Variants in FRMD3 observed in about 807,000 individuals in gnomAD.
FRMD3 encodes the protein FERM domain containing 3.
A neutral mutation model predicts 70.2 loss-of-function variants in FRMD3; 33 were observed. The ratio of observed to expected loss-of-function variants is 0.47; its 90% CI spans 0.36 to 0.63. FRMD3 has a LOEUF of 0.63. Among genes scored for constraint, FRMD3 ranks in the 20% least tolerant of loss-of-function variants. The pLI is 0.00. For missense variants in FRMD3, 632 were observed against 711.4 expected, an observed-to-expected ratio of 0.89 and a Z score of 1.27; for synonymous variants, 279 against 255.9, an observed-to-expected ratio of 1.09 and a Z score of -0.86.
chr9:83,569,174 C>G, the FRMD3 span, among the ~76,000 whole-genome samples: 19 of 152,218 alleles, frequency 1.2e-4, no homozygotes, highest in South Asian at 4.2e-4. Context: ...CTGAATGCTC[C>G]AGAGACTTTC....
At chr9:83,403,602 T>C (rs1375066299) in intron 1 of FRMD3, among the ~76,000 whole-genome samples, 1 of 152,122 alleles carries the variant, frequency 6.6e-6, no homozygotes, top group African/African-American at 2.4e-5. Context: ...TTGGTATACA[T>C]GTGGCTCGAC....
chr9:83,247,698 T>C lies in FRMD3; in HGVS notation c.*220A>G. ...TAAAAAATAAACATATTTTTGGTTA[T>C]TTAAAGACCATCTTCCTAACCTGTA... On this transcript the variant is annotated 3_prime_UTR_variant, in exon 14 of 14. Transcript: ENST00000304195. 1 of 1,360,772 alleles carries C rather than the reference T, an allele frequency of 7.3e-7. No homozygotes were observed. The highest frequency in any genetic ancestry group is 1.5e-5 in the African/African-American group (1 of 68,848). 84.3% of individuals were successfully genotyped at this position (1,360,772 alleles called of 1,614,324 possible).
At chr9:83,392,721 C>CG (rs912725460) in intron 1 of FRMD3, among the ~76,000 whole-genome samples, 1 of 152,098 alleles carries the variant, frequency 6.6e-6, no homozygotes, top group Non-Finnish European at 1.5e-5. Context: ...CAGAGAGCCC[C>CG]GGGCGAGACA....
chr9:83,489,296 A>G (rs1240004053), intron 1 of FRMD3, among the ~76,000 whole-genome samples: 2 of 152,210 alleles, frequency 1.3e-5, no homozygotes, highest in Non-Finnish European at 2.9e-5. Context: ...CAGCAAAAGA[A>G]ACTATCAACA....
chr9:83,430,869 T>A (rs1826955685), intron 1 of FRMD3, among the ~76,000 whole-genome samples: 1 of 152,234 alleles, frequency 6.6e-6, no homozygotes, highest in African/African-American at 2.4e-5. Flanking sequence ...AACAAACAGC[T>A]GTCCCTGTGG....
intron 3 of FRMD3, among the ~76,000 whole-genome samples, chr9:83,372,427 G>A (rs951289227): frequency 4.7e-5 from 7 of 150,238 alleles, no homozygotes; most frequent in African/African-American, 1.7e-4. Context: ...TTGCCTAGAA[G>A]AAAAAATTGT....
intron 1 of FRMD3, among the ~76,000 whole-genome samples, chr9:83,521,143 A>T (rs1829563471): frequency 6.6e-6 from 1 of 151,950 alleles, no homozygotes; most frequent in South Asian, 2.1e-4. Context: ...CCATCTCAAA[A>T]AAAAAAGGAA....
At chr9:83,497,428 G>A (rs1167894569) in intron 1 of FRMD3, among the ~76,000 whole-genome samples, 1 of 152,176 alleles carries the variant, frequency 6.6e-6, no homozygotes, top group Non-Finnish European at 1.5e-5. Context: ...AAAATATTTT[G>A]CAAAGCCTCC....
Position 83,504,032 on chromosome 9 carries a change from C to T in FRMD3, c.147+34053G>A, listed in dbSNP as rs550755875. 9.5e-4 allele frequency among the ~76,000 whole-genome samples: 144 copies of T among 152,284 alleles called. 1 individual carries two copies. The highest frequency in any genetic ancestry group is 9.3e-4 in the Non-Finnish European group (63 of 68,024). ...GGAAGAGAATACACTCCGCATCCTG[C>T]TGCAGTTTGGGGTGTGCACTGAGTG... On this transcript the variant is annotated intron_variant, in intron 1 of 13. Coordinates refer to ENST00000304195, the MANE Select transcript of FRMD3 (RefSeq NM_174938.6).
intron 1 of FRMD3, among the ~76,000 whole-genome samples, chr9:83,395,770 TAA>T (rs57159544): frequency 1.8e-4 from 25 of 141,472 alleles, no homozygotes; most frequent in Admixed American, 3.5e-4. Context: ...TTTCTTCAAT[TAA>T]AAAAAAAAAA....
chr9:83,372,790 G>A lies in FRMD3; in HGVS notation c.295+123C>T, dbSNP rs993049830. On this transcript the variant is annotated intron_variant, in intron 3 of 13. Coordinates refer to ENST00000304195, the MANE Select transcript of FRMD3 (RefSeq NM_174938.6). ...ACAGAGCTCTCCTGGGGAGAGAGAA[G>A]CCCCCACACCCCCCAACACCTCTTC... 7.2e-5 allele frequency: 61 copies of A among 850,308 alleles called. No homozygotes were observed. The Admixed American group carries it at 1.2e-3, about 17-fold the overall frequency. The allele number at this position is 850,308 out of a possible 1,614,324, so 52.7% of individuals were successfully genotyped here.
intron 5 of FRMD3, among the ~76,000 whole-genome samples, chr9:83,339,207 C>T (rs1194837145): frequency 6.6e-6 from 1 of 152,186 alleles, no homozygotes; most frequent in Non-Finnish European, 1.5e-5. Flanking sequence ...CACCGGATTG[C>T]TGACAAGATT....
intron 1 of FRMD3, among the ~76,000 whole-genome samples, chr9:83,477,771 AG>A (rs1487884764): frequency 2.0e-5 from 3 of 152,102 alleles, no homozygotes; most frequent in Non-Finnish European, 4.4e-5. Flanking sequence ...CTGAATCTCC[AG>A]TCTCCGTTGC....
intron 13 of FRMD3, among the ~76,000 whole-genome samples, chr9:83,268,007 G>A (rs182315607): frequency 2.7e-3 from 407 of 152,280 alleles, no homozygotes; most frequent in Non-Finnish European, 4.2e-3. Flanking sequence ...TAACTGACCT[G>A]ACCACAATCA....
At chr9:83,433,929 T>C (rs965077334) in intron 1 of FRMD3, among the ~76,000 whole-genome samples, 1 of 152,218 alleles carries the variant, frequency 6.6e-6, no homozygotes, top group Admixed American at 6.5e-5. Flanking sequence ...TACTGGTCTG[T>C]GGCCCAGGGG....
chr9:83,342,685 GGATAGATTA>G (rs915332968), intron 5 of FRMD3, among the ~76,000 whole-genome samples: 7 of 143,552 alleles, frequency 4.9e-5, no homozygotes, highest in African/African-American at 1.8e-4. Context: ...ATGGATGGAT[GGATAGATTA>G]GATAGATAGA....
intron 10 of FRMD3, among the ~76,000 whole-genome samples, chr9:83,301,227 A>G (rs999359246): frequency 6.6e-6 from 1 of 152,168 alleles, no homozygotes; most frequent in Non-Finnish European, 1.5e-5. Context: ...AGCAAGCTGC[A>G]TTGAGATGGT....
At chr9:83,331,795 C>T (rs1361740097) in intron 6 of FRMD3, 1 of 710,780 alleles carries the variant, frequency 1.4e-6, no homozygotes, top group Non-Finnish European at 2.6e-6. Flanking sequence ...CTCTATTAGT[C>T]AATGAGTTGT....
chr9:83,416,788 ACT>A (rs58346983), intron 1 of FRMD3, among the ~76,000 whole-genome samples: 1 of 80,118 alleles, frequency 1.2e-5, no homozygotes, highest in Non-Finnish European at 2.7e-5. Context: ...TCTCTCTCTC[ACT>A]CTCTCTCTCT....
Sources: gnomAD v4.1 joint callset for allele counts (sites outside exome capture counted in the v4.1 genomes callset) on GRCh38, gnomAD v4.1.1 for gene constraint, MANE v1.5 for transcripts, NCBI Gene and HGNC (gene_info 2026-07-23, HGNC 2026-07-21) for gene names.